GFPT2: variants seen among roughly 807,000 people sequenced by gnomAD.
GFPT2 encodes glutamine--fructose-6-phosphate aminotransferase [isomerizing] 2.
A neutral mutation model predicts 85.6 loss-of-function variants in GFPT2; 62 were observed. The observed-to-expected ratio is 0.72, with a 90% CI of 0.59 to 0.90. The LOEUF (loss-of-function observed/expected upper bound fraction) is 0.90. Among genes scored for constraint, GFPT2 ranks in the 40% least tolerant of loss-of-function variants. The pLI is 0.00. For synonymous variants in GFPT2, 368 were observed against 344.5 expected, an observed-to-expected ratio of 1.07 and a Z score of -0.75; for missense variants, 788 against 893.4, an observed-to-expected ratio of 0.88 and a Z score of 1.50.
chr5:180,340,075 C>A (rs1366306408), intron 1 of GFPT2, among the ~76,000 whole-genome samples: 1 of 152,164 alleles, frequency 6.6e-6, no homozygotes, highest in African/African-American at 2.4e-5. Flanking sequence ...GCCGAGAAGT[C>A]CAAGATCAAG....
rs1764169424 is a variant in GFPT2 at position 180,324,176 on chromosome 5, A to C, written c.794+12T>G. 7.0e-7 allele frequency: 1 copy of C among 1,418,950 alleles called. No individual in the cohort carries two copies. The highest frequency in any genetic ancestry group is 2.3e-5 in the East Asian group (1 of 43,952). 87.9% of individuals were successfully genotyped at this position (1,418,950 alleles called of 1,614,324 possible). A position where few individuals can be genotyped will look rare whatever the true frequency, so the allele number is the denominator to read the frequency against. On this transcript the variant is annotated intron_variant, in intron 9 of 18. Transcript: ENST00000253778. ...GTAATCCCAGGAAGCGAAGAGAAGAAGGCTCAGTTACCTTGCATCAGAAGC... is the reference window on the plus strand; with the variant it reads ...GTAATCCCAGGAAGCGAAGAGAAGACGGCTCAGTTACCTTGCATCAGAAGC...
intron 1 of GFPT2, among the ~76,000 whole-genome samples, chr5:180,341,544 A>G (rs1342565844): frequency 1.3e-5 from 2 of 152,256 alleles, no homozygotes; most frequent in Non-Finnish European, 2.9e-5. Context: ...ATTATACTTA[A>G]ATTCTTACTG....
In GFPT2 at chr5:180,313,792, C is replaced by T. The variant is rs1231214361; in HGVS notation, c.1431+15G>A. 6.5e-7 allele frequency: 1 copy of T among 1,538,034 alleles called. No individual in the cohort carries two copies. The highest frequency in any genetic ancestry group is 2.1e-4 in the Middle Eastern group (1 of 4,780). On this transcript the variant is annotated intron_variant, in intron 14 of 18. Coordinates refer to ENST00000253778, the MANE Select transcript of GFPT2 (RefSeq NM_005110.4). The stretch of plus-strand genomic sequence containing the variant: ...CCAGGCTCTCCCTGGGACGGGCGCC[C>T]GTGGCTCCTCCTACCTTGGTGCTGG...
chr5:180,317,651 T>C (rs567370852), intron 10 of GFPT2, among the ~76,000 whole-genome samples: 12 of 133,160 alleles, frequency 9.0e-5, no homozygotes, highest in African/African-American at 2.1e-4. Flanking sequence ...CCCAGCTACT[T>C]GGGAGGCTGA....
rs532937982 is a variant in GFPT2, at chr5:180,327,664, T to C, written c.596+613A>G. 4.6e-4 allele frequency among the ~76,000 whole-genome samples: 70 copies of C among 152,288 alleles called. No homozygotes were observed. The South Asian group carries it at 0.014, about 31-fold the overall frequency. ...CACACAGTAAGTGCACAGTAAATAT[T>C]AGTTGCATGGTTGGATGGATGATCA... On this transcript the variant is annotated intron_variant, in intron 7 of 18. Transcript: ENST00000253778.
At chr5:180,314,107 T>A in intron 13 of GFPT2, 143 bp from the exon 14 acceptor site, 2 of 709,502 alleles carry the variant, frequency 2.8e-6, no homozygotes, top group Non-Finnish European at 4.5e-6. Context: ...AAACGCTCGC[T>A]CAACAGCCTT....
chr5:180,313,980 C>A lies in GFPT2; in HGVS notation c.1274-16G>T, dbSNP rs141497441. ...GCGGTCTCGCCTGCCGCCCAGGGGC[C>A]CTCTCAGTGCCGCGCTCCGCCAGCC... On this transcript the variant is annotated splice_polypyrimidine_tract_variant and intron_variant, in intron 13 of 18. Coordinates refer to ENST00000253778, the MANE Select transcript of GFPT2 (RefSeq NM_005110.4). 1.9e-6 allele frequency: 3 copies of A among 1,582,078 alleles called. No individual in the cohort carries two copies. The highest frequency in any genetic ancestry group is 2.3e-5 in the South Asian group (2 of 88,846).
At chr5:180,310,042 C>A (rs1391936290) in intron 15 of GFPT2, among the ~76,000 whole-genome samples, 1 of 151,484 alleles carries the variant, frequency 6.6e-6, no homozygotes, top group Non-Finnish European at 1.5e-5. Flanking sequence ...GATCTCCTGA[C>A]CTCATGATCT....
rs1463812382 is a variant in GFPT2 at position 180,302,501 on chromosome 5, C to T, written c.1926G>A (p.Val642=). Residue 642 remains valine (V), a synonymous_variant, in exon 18 of 19, where the codon GTG becomes GTA. Coordinates refer to ENST00000253778, the MANE Select transcript of GFPT2 (RefSeq NM_005110.4). ...AYKTIELPHT[V]DCLQGILSVI... ...CGCTCAGGATGCCCTGGAGGCAGTCCACAGTGTGGGGCAGCTCAATTGTCT... is the reference window on the plus strand; with the variant it reads ...CGCTCAGGATGCCCTGGAGGCAGTCTACAGTGTGGGGCAGCTCAATTGTCT... 1 of 1,614,062 alleles carries T rather than the reference C, an allele frequency of 6.2e-7. No homozygotes were observed. The highest frequency in any genetic ancestry group is 8.5e-7 in the Non-Finnish European group (1 of 1,179,948).
At chr5:180,306,937 C>G (rs1194156383) in intron 16 of GFPT2, among the ~76,000 whole-genome samples, 1 of 152,232 alleles carries the variant, frequency 6.6e-6, no homozygotes, top group African/African-American at 2.4e-5. Flanking sequence ...CGCCCTGTCC[C>G]TTTCTCCTCA....
intron 1 of GFPT2, chr5:180,352,810 G>T (rs928354398): frequency 3.1e-6 from 1 of 317,806 alleles, no homozygotes; most frequent in Non-Finnish European, 5.9e-6. Context: ...CACTCGGGAT[G>T]CGCCGGCCTG....
intron 16 of GFPT2, among the ~76,000 whole-genome samples, chr5:180,306,764 A>G (rs1222457022): frequency 6.6e-6 from 1 of 152,176 alleles, no homozygotes; most frequent in African/African-American, 2.4e-5. Flanking sequence ...CGGGTCCCCT[A>G]CGTCATCTTG....
At chr5:180,321,139 A>G (rs903098961) in intron 9 of GFPT2, among the ~76,000 whole-genome samples, 12 of 152,234 alleles carry the variant, frequency 7.9e-5, no homozygotes, top group Non-Finnish European at 1.6e-4. Context: ...TATGCTTTGT[A>G]TAAAAGTATA....
rs1763955004 is a variant in GFPT2, at chr5:180,314,018, C to G, written c.1274-54G>C. The G allele has an allele frequency of 2.0e-6, 3 of 1,503,294 alleles. No homozygotes were observed. In the East Asian group the frequency reaches 7.5e-5, roughly 38 times the overall value. 93.1% of individuals were successfully genotyped at this position (1,503,294 alleles called of 1,614,324 possible). A position where few individuals can be genotyped will look rare whatever the true frequency, so the allele number is the denominator to read the frequency against. ...CGCTCCGCCAGCCTCGGCCCCACCCCAAACCCCTTCCTCCTTCACCGCCGG... is the reference window on the plus strand; with the variant it reads ...CGCTCCGCCAGCCTCGGCCCCACCCGAAACCCCTTCCTCCTTCACCGCCGG... On this transcript the variant is annotated intron_variant, in intron 13 of 18. Transcript: ENST00000253778.
At chr5:180,342,171 T>G (rs920031795) in intron 1 of GFPT2, among the ~76,000 whole-genome samples, 1 of 152,162 alleles carries the variant, frequency 6.6e-6, no homozygotes, top group Admixed American at 6.5e-5. Flanking sequence ...TCCCCAGCCA[T>G]GTGGAACTAT....
At chr5:180,347,142 T>C (rs1764625163) in intron 1 of GFPT2, among the ~76,000 whole-genome samples, 1 of 151,878 alleles carries the variant, frequency 6.6e-6, no homozygotes, top group Non-Finnish European at 1.5e-5. Flanking sequence ...CTGCAGAGGG[T>C]TGGGATTGAG....
Position 180,330,637 on chromosome 5 carries a change from G to T in GFPT2, c.534+63C>A. 2 of 1,415,496 alleles carry T rather than the reference G, an allele frequency of 1.4e-6. No individual in the cohort carries two copies. The highest frequency in any genetic ancestry group is 2.0e-6 in the Non-Finnish European group (2 of 1,010,714). 87.7% of individuals were successfully genotyped at this position (1,415,496 alleles called of 1,614,324 possible). On this transcript the variant is annotated intron_variant, in intron 6 of 18. Transcript: ENST00000253778. The surrounding 1 kb of genome is among the most constrained non-coding windows in gnomAD (Gnocchi z 4.4). ...AAGGATTCCTTGGCACTTGCTGCTT[G>T]AAAAAAATGTTTTTAATGAAAGAAT...
At chr5:180,337,453 G>GAAAAA (rs35211599) in intron 2 of GFPT2, among the ~76,000 whole-genome samples, 2 of 99,396 alleles carry the variant, frequency 2.0e-5, no homozygotes, top group African/African-American at 7.8e-5. Context: ...ACTCCATCTC[G>GAAAAA]AAAAAAAAAA....
chr5:180,327,978 G>A (rs557078026), intron 7 of GFPT2, among the ~76,000 whole-genome samples: 5 of 152,196 alleles, frequency 3.3e-5, no homozygotes, highest in African/African-American at 1.2e-4. Context: ...ACCTGGATCT[G>A]CCCTGTCTGT....
Sources: allele counts gnomAD v4.1 joint callset (sites outside exome capture counted in the v4.1 genomes callset), GRCh38; gene constraint gnomAD v4.1.1; non-coding constraint Gnocchi (gnomAD v3.1); transcripts MANE v1.5; gene names NCBI Gene and HGNC (gene_info 2026-07-23, HGNC 2026-07-21).